Variants in GAREM1 observed in about 807,000 individuals in gnomAD.
The protein encoded by GAREM1 is GRB2-associated and regulator of MAPK protein 1.
Under a neutral mutation model 71.3 loss-of-function variants are expected in GAREM1, and 26 were observed. The ratio of observed to expected loss-of-function variants is 0.36; its 90% CI spans 0.27 to 0.51. GAREM1 has a LOEUF of 0.51. Ranked by LOEUF, GAREM1 falls within the 20% of genes least tolerant of loss-of-function variation. GAREM1 has a pLI of 0.95. For missense variants in GAREM1, 1,026 were observed against 1,103.1 expected (o/e 0.93, Z 0.99); for synonymous variants, 440 against 433.2 (o/e 1.02, Z -0.20).
At chr18:32,288,293 C>G in intron 3 of GAREM1, 90 bp from the exon 4 acceptor site, 1 of 1,037,792 alleles carries the variant, frequency 9.6e-7, no homozygotes, top group Non-Finnish European at 1.4e-6. Flanking sequence ...AATACACACA[C>G]AGAGGAAAAT....
At chr18:32,398,830 A>G (rs1360215272) in intron 1 of GAREM1, among the ~76,000 whole-genome samples, 3 of 152,184 alleles carry the variant, frequency 2.0e-5, no homozygotes, top group African/African-American at 4.8e-5. Context: ...GGCCAGCATC[A>G]TCCTGATACC....
intron 1 of GAREM1, among the ~76,000 whole-genome samples, chr18:32,430,645 GAGA>G (rs1353633465): frequency 2.0e-5 from 3 of 152,194 alleles, no homozygotes; most frequent in African/African-American, 4.8e-5. Context: ...CAGCAGCCAG[GAGA>G]AGAAGAGGAC....
rs570369226 is a variant in GAREM1, at chr18:32,300,980, G to A, written c.393+9213C>T. Among the ~76,000 whole-genome samples the A allele has an allele frequency of 2.1e-4, 31 of 150,890 alleles. No individual in the cohort carries two copies. In the South Asian group the frequency reaches 6.5e-3, roughly 32 times the overall value. On this transcript the variant is annotated intron_variant, in intron 3 of 5. Coordinates refer to ENST00000269209, the MANE Select transcript of GAREM1 (RefSeq NM_001242409.2). ...GAAGTAAAAGGTCTTCATTTTTTCA[G>A]CACTTTTTCAGACGGCAACTTTTAA...
intron 1 of GAREM1, chr18:32,412,616 A>T (rs1173258769): frequency 1.6e-5 from 22 of 1,416,238 alleles, no homozygotes; most frequent in Non-Finnish European, 2.2e-5. Flanking sequence ...ATGAAGCACT[A>T]GCCATCTCTT....
At chr18:32,401,946 T>C (rs1457580650) in intron 1 of GAREM1, among the ~76,000 whole-genome samples, 1 of 152,162 alleles carries the variant, frequency 6.6e-6, no homozygotes, top group Non-Finnish European at 1.5e-5. Flanking sequence ...AGCCATAAAG[T>C]AGTAAGAAAC....
In GAREM1 at chr18:32,288,176, T is replaced by C; in HGVS notation, c.421A>G (p.Thr141Ala). ...CACAGGGTGATGTTGTAAACTTCAG[T>C]GTCTTCATTGCATTCACCTGAAGCA... ...KVASGECNED[T>A]EVYNITLCTG... is the part of the protein sequence containing the mutation. Residue 141 changes from threonine to alanine, a missense_variant, in exon 4 of 6, where the codon ACT becomes GCT. By Grantham distance (58) the Thr-to-Ala change is moderately conservative. Transcript: ENST00000269209. 1.2e-6 allele frequency: 2 copies of C among 1,610,498 alleles called. No individual in the cohort carries two copies. Among genetic ancestry groups the C allele is most frequent in the Admixed American group, 1.7e-5 (1 of 59,756 alleles).
chr18:32,390,263 A>G (rs1291571776), intron 2 of GAREM1, among the ~76,000 whole-genome samples: 5 of 152,152 alleles, frequency 3.3e-5, no homozygotes, highest in Admixed American at 6.5e-5. Flanking sequence ...CAAATCACTA[A>G]ATTTGTCTTG....
chr18:32,412,498 C>T, intron 1 of GAREM1: 2 of 1,596,100 alleles, frequency 1.3e-6, no homozygotes, highest in Non-Finnish European at 1.7e-6. Context: ...CCACCAAAGC[C>T]ACCACGACCA....
At chr18:32,395,831 G>A (rs923803250) in intron 1 of GAREM1, among the ~76,000 whole-genome samples, 4 of 152,250 alleles carry the variant, frequency 2.6e-5, no homozygotes, top group East Asian at 1.9e-4. Context: ...CTCCCAGCAC[G>A]GAGTCTGAGA....
Position 32,265,712 on chromosome 18 carries a change from AC to A in GAREM1, c.*2158del, listed in dbSNP as rs920336654. On this transcript the variant is annotated 3_prime_UTR_variant, in exon 6 of 6. Coordinates refer to ENST00000269209, the MANE Select transcript of GAREM1 (RefSeq NM_001242409.2). ...TAAAGTTTTTACAAAAAGAAAAAAA[AC>A]GCTAAAAGGAGTCAGTTGTTTATGT... The A allele has an allele frequency of 2.9e-4, 44 of 152,360 alleles. No homozygotes were observed. Among genetic ancestry groups the A allele is most frequent in the African/African-American group, 1.0e-3 (43 of 41,588 alleles). The allele number at this position is 152,360 out of a possible 1,614,324, so 9.4% of individuals were successfully genotyped here. A position where few individuals can be genotyped will look rare whatever the true frequency, so the allele number is the denominator to read the frequency against.
At chr18:32,406,680 A>G (rs1209812711) in intron 1 of GAREM1, among the ~76,000 whole-genome samples, 1 of 152,230 alleles carries the variant, frequency 6.6e-6, no homozygotes, top group East Asian at 1.9e-4. Context: ...GAGAAATGAT[A>G]AAGTGATCAG....
intron 3 of GAREM1, among the ~76,000 whole-genome samples, chr18:32,308,443 TA>T: frequency 6.6e-6 from 1 of 150,400 alleles, no homozygotes; most frequent in African/African-American, 2.5e-5. Context: ...AAAAATCACT[TA>T]AAAATTTACA....
At chr18:32,355,975 C>T (rs1008244793) in intron 2 of GAREM1, among the ~76,000 whole-genome samples, 7 of 152,190 alleles carry the variant, frequency 4.6e-5, no homozygotes, top group African/African-American at 1.7e-4. Context: ...ATTCTATTGC[C>T]TAAATCAGGT....
intron 1 of GAREM1, among the ~76,000 whole-genome samples, chr18:32,405,194 T>C (rs1309622670): frequency 6.6e-6 from 1 of 152,110 alleles, no homozygotes; most frequent in East Asian, 1.9e-4. Flanking sequence ...TTACAATTTT[T>C]TTTTTCTTTT....
chr18:32,326,908 A>G (rs2047479852), intron 2 of GAREM1, among the ~76,000 whole-genome samples: 1 of 152,254 alleles, frequency 6.6e-6, no homozygotes. Flanking sequence ...GCAGTTATGT[A>G]AACAGGGCTG....
rs565652092 is a variant in GAREM1, at chr18:32,469,397, GCAAA to G, written c.121+907_121+910del. Among the ~76,000 whole-genome samples, 392 of 152,280 alleles carry G rather than the reference GCAAA, an allele frequency of 2.6e-3. 2 individuals carry two copies. The highest frequency in any genetic ancestry group is 9.1e-3 in the African/African-American group (379 of 41,554). ...CCCACAGCAGGGCAGGCTTCTTTCTGCAAACAGTCTAAAATCGCATGACGCCAAA... is the reference window on the plus strand; with the variant it reads ...CCCACAGCAGGGCAGGCTTCTTTCTGCAGTCTAAAATCGCATGACGCCAAA... On this transcript the variant is annotated intron_variant, in intron 1 of 5. Transcript: ENST00000269209.
intron 1 of GAREM1, among the ~76,000 whole-genome samples, chr18:32,423,578 A>C (rs2048542222): frequency 6.6e-6 from 1 of 152,218 alleles, no homozygotes; most frequent in African/African-American, 2.4e-5. Flanking sequence ...TGTCAGTGAC[A>C]ATAGAAAGAG....
chr18:32,443,272 CAGAAG>C (rs1263646589), intron 1 of GAREM1, among the ~76,000 whole-genome samples: 3 of 152,184 alleles, frequency 2.0e-5, no homozygotes, highest in African/African-American at 7.2e-5. Context: ...ACATATGCAA[CAGAAG>C]AGAAAACTAA....
intron 4 of GAREM1, among the ~76,000 whole-genome samples, chr18:32,277,929 T>C (rs766870692): frequency 6.6e-6 from 1 of 152,230 alleles, no homozygotes; most frequent in Non-Finnish European, 1.5e-5. Flanking sequence ...ATAGTATCTA[T>C]GAAATAATTT....
Sources: allele counts gnomAD v4.1 joint callset (sites outside exome capture counted in the v4.1 genomes callset), GRCh38; gene constraint gnomAD v4.1.1; transcripts MANE v1.5; gene names NCBI Gene and HGNC (gene_info 2026-07-23, HGNC 2026-07-21).